Variants in MYH16 observed in about 807,000 individuals in gnomAD.
The protein encoded by MYH16 is myosin heavy chain 16.
At chr7:99,285,467 G>A in intron 27 of MYH16, 29 bp downstream of exon 9, 1 of 456,640 alleles carries the variant, frequency 2.2e-6, no homozygotes, top group Non-Finnish European at 4.4e-6. Flanking sequence ...CCCTTCTTGA[G>A]TCAAAAGACC....
At position 99,277,662 on chromosome 7, in the gene MYH16, AC is replaced by A. The variant is rs1326768940; in HGVS notation, n.2610del. On this transcript the variant is annotated non_coding_transcript_exon_variant, in exon 21 of 42. Coordinates refer to ENST00000439784, the Ensembl canonical transcript of MYH16. ...CAAGGTCAAGGAACTGGAGGAGAAG[AC>A]AGCCACGCTCAGCCAGGAGAAGAAT... is the stretch of plus-strand genomic sequence containing the variant. 5 of 456,708 alleles carry A rather than the reference AC, an allele frequency of 1.1e-5. No individual in the cohort carries two copies. The East Asian group carries it at 3.5e-4, about 32-fold the overall frequency. 28.3% of individuals were successfully genotyped at this position (456,708 alleles called of 1,614,324 possible). A position where few individuals can be genotyped will look rare whatever the true frequency, so the allele number is the denominator to read the frequency against.
intron 6 of MYH16, among the ~76,000 whole-genome samples, chr7:99,252,064 C>T (rs1327898268): frequency 6.6e-6 from 1 of 152,162 alleles, no homozygotes; most frequent in East Asian, 1.9e-4. Context: ...ACCTTGGCAA[C>T]AGTGATGGTG....
intron 17 of MYH16, among the ~76,000 whole-genome samples, chr7:99,266,127 A>C (rs1328769330): frequency 6.9e-6 from 1 of 145,152 alleles, no homozygotes; most frequent in African/African-American, 2.5e-5. Context: ...CTTCTGGTCC[A>C]AAAAAAACCC....
intron 33 of MYH16, among the ~76,000 whole-genome samples, chr7:99,294,500 CAAAAAAAAAAAA>C (rs1159682450): frequency 2.3e-4 from 6 of 25,568 alleles, no homozygotes; most frequent in South Asian, 4.9e-3. Context: ...GACCCTGTCT[CAAAAAAAAAAAA>C]AAAAAAAAAA....
At chr7:99,289,396 G>T (rs1310131286) in exon 30 of MYH16, 2 of 436,576 alleles carry the variant, frequency 4.6e-6, no homozygotes, top group Non-Finnish European at 9.2e-6. Context: ...ATCAGGACCC[G>T]CCTCCAAGGT....
chr7:99,257,627 C>T (rs755770194), intron 10 of MYH16, among the ~76,000 whole-genome samples: 3 of 152,112 alleles, frequency 2.0e-5, no homozygotes, highest in Non-Finnish European at 4.4e-5. Context: ...TTTTTGTTGT[C>T]GTTGTTGTTT....
intron 34 of MYH16, among the ~76,000 whole-genome samples, chr7:99,297,362 G>T (rs2150833350): frequency 6.6e-6 from 1 of 152,190 alleles, no homozygotes; most frequent in East Asian, 1.9e-4. Flanking sequence ...GAACCTGGGA[G>T]GTGGATGTTG....
intron 11 of MYH16, among the ~76,000 whole-genome samples, chr7:99,259,555 T>C (rs1791914248): frequency 6.6e-6 from 1 of 151,758 alleles, no homozygotes; most frequent in Non-Finnish European, 1.5e-5. Flanking sequence ...GCCTCCAGGG[T>C]TCAAGTGATT....
chr7:99,247,306 A>T (rs753022033), intron 2 of MYH16, among the ~76,000 whole-genome samples: 1 of 152,086 alleles, frequency 6.6e-6, no homozygotes, highest in African/African-American at 2.4e-5. Flanking sequence ...CCAAGTAGCT[A>T]GGATTATAGG....
chr7:99,295,236 G>A (rs1333232460), intron 33 of MYH16, among the ~76,000 whole-genome samples: 5 of 151,864 alleles, frequency 3.3e-5, no homozygotes, highest in Non-Finnish European at 5.9e-5. Context: ...AAAATTAGCC[G>A]GGCGTGGTGG....
chr7:99,310,187 G>T (rs986170951), downstream of MYH16, among the ~76,000 whole-genome samples: 6 of 152,286 alleles, frequency 3.9e-5, no homozygotes, highest in Non-Finnish European at 8.8e-5. Flanking sequence ...GCAAAGGTGG[G>T]ATGTGCACAA....
intron 11 of MYH16, among the ~76,000 whole-genome samples, chr7:99,259,259 A>T (rs186034701): frequency 6.6e-6 from 1 of 152,260 alleles, no homozygotes; most frequent in Admixed American, 6.5e-5. Flanking sequence ...GGTCAGATCC[A>T]TAGAGCATTT....
intron 27 of MYH16, 135 bp downstream of exon 9, chr7:99,285,573 G>A: frequency 2.5e-6 from 1 of 399,488 alleles, no homozygotes; most frequent in Admixed American, 2.9e-5. Flanking sequence ...GTTGCTTCTG[G>A]AGCACCTACT....
chr7:99,297,442 T>G (rs1055381328), intron 34 of MYH16, among the ~76,000 whole-genome samples: 6 of 151,770 alleles, frequency 4.0e-5, no homozygotes, highest in African/African-American at 1.5e-4. Context: ...CAAAAATAAA[T>G]TAATTAATTA....
At chr7:99,286,618 G>T (rs1263983362) in intron 28 of MYH16, 1 of 152,174 alleles carries the variant, frequency 6.6e-6, no homozygotes, top group Non-Finnish European at 1.5e-5. Context: ...AGACCAGTTC[G>T]TTCTTGCTAG....
intron 1 of MYH16, among the ~76,000 whole-genome samples, chr7:99,239,631 G>A (rs1443225108): frequency 6.6e-6 from 1 of 152,174 alleles, no homozygotes; most frequent in African/African-American, 2.4e-5. Flanking sequence ...GGCTTATCGT[G>A]GATTGCAGGG....
At chr7:99,265,397 G>A (rs893430231) in intron 16 of MYH16, among the ~76,000 whole-genome samples, 9 of 152,310 alleles carry the variant, frequency 5.9e-5, no homozygotes, top group Admixed American at 1.3e-4. Context: ...AATCAAACTT[G>A]GGAGCTTTTG....
rs114316345 is a variant in MYH16, at chr7:99,250,387, C to T, written n.636+312C>T. On this transcript the variant is annotated intron_variant and non_coding_transcript_variant, in intron 5 of 41. Coordinates refer to ENST00000439784, the Ensembl canonical transcript of MYH16. ...CTGCCTGTTAAGTGGCCTCTGCAGG[C>T]CCTGGCTGCCCCAGGGGCACAAAAA... Among the ~76,000 whole-genome samples the T allele has an allele frequency of 7.1e-3, 1,079 of 152,268 alleles. 9 individuals carry two copies. The highest frequency in any genetic ancestry group is 0.025 in the African/African-American group (1,029 of 41,562).
At chr7:99,247,983 A>G (rs1401853458) in intron 3 of MYH16, among the ~76,000 whole-genome samples, 1 of 152,176 alleles carries the variant, frequency 6.6e-6, no homozygotes, top group African/African-American at 2.4e-5. Flanking sequence ...ACCCTATCTC[A>G]TTTAAGTTTC....
Sources: gnomAD v4.1 joint callset for allele counts (sites outside exome capture counted in the v4.1 genomes callset) on GRCh38, gnomAD v4.1.1 for gene constraint, MANE v1.5 for transcripts, NCBI Gene and HGNC (gene_info 2026-07-23, HGNC 2026-07-21) for gene names.